Variants in UBE2G1 observed in about 807,000 individuals in gnomAD.
UBE2G1 encodes ubiquitin-conjugating enzyme E2 G1.
Under a neutral mutation model 22.7 loss-of-function variants are expected in UBE2G1, and 5 were observed. The ratio of observed to expected loss-of-function variants is 0.22; its 90% CI spans 0.12 to 0.46. UBE2G1 has a LOEUF of 0.46. Among genes scored for constraint, UBE2G1 ranks in the 20% least tolerant of loss-of-function variants. The pLI is 0.99. For synonymous variants in UBE2G1, 74 were observed against 67.5 expected (o/e 1.10, Z -0.47); for missense variants, 88 against 203.9 (o/e 0.43, Z 3.46).
At chr17:4,310,066 T>A (rs1046304315) in intron 1 of UBE2G1, among the ~76,000 whole-genome samples, 2 of 152,192 alleles carry the variant, frequency 1.3e-5, no homozygotes, top group Non-Finnish European at 2.9e-5. Context: ...CCAGCATGAA[T>A]CTTCCTAGGT....
intron 2 of UBE2G1, among the ~76,000 whole-genome samples, chr17:4,305,831 C>A (rs1245493257): frequency 6.6e-6 from 1 of 152,174 alleles, no homozygotes; most frequent in African/African-American, 2.4e-5. Flanking sequence ...CGTGAGCCAA[C>A]GCACCAAGCC....
chr17:4,319,852 A>G, intron 1 of UBE2G1, among the ~76,000 whole-genome samples: 1 of 152,232 alleles, frequency 6.6e-6, no homozygotes, highest in East Asian at 1.9e-4. Flanking sequence ...CTGCGAAATC[A>G]ATCAAAATAA....
intron 3 of UBE2G1, among the ~76,000 whole-genome samples, chr17:4,294,429 AAAAAAAAAAAAGAAAGAAACG>A (rs1969081769): frequency 9.3e-5 from 2 of 21,550 alleles, no homozygotes; most frequent in African/African-American, 1.1e-4. Flanking sequence ...AAAAAAAAAA[AAAAAAAAAAAAGAAAGAAACG>A]AAAAGAAAAG....
intron 4 of UBE2G1, among the ~76,000 whole-genome samples, chr17:4,287,564 G>C (rs1054878188): frequency 5.9e-5 from 9 of 152,198 alleles, no homozygotes; most frequent in African/African-American, 1.9e-4. Context: ...TGATTAAATA[G>C]ATAGTTTTCT....
chr17:4,357,396 A>C (rs1352596603), intron 1 of UBE2G1, among the ~76,000 whole-genome samples: 1 of 151,130 alleles, frequency 6.6e-6, no homozygotes, highest in African/African-American at 2.4e-5. Context: ...AAGGTTCAGG[A>C]CTATCAGTGG....
At chr17:4,348,539 C>T (rs1473886892) in intron 1 of UBE2G1, among the ~76,000 whole-genome samples, 1 of 131,084 alleles carries the variant, frequency 7.6e-6, no homozygotes, top group East Asian at 2.1e-4. Context: ...GGCGACAGAG[C>T]GAGACTCCGT....
chr17:4,321,587 G>A (rs1345256751), intron 1 of UBE2G1, among the ~76,000 whole-genome samples: 1 of 152,082 alleles, frequency 6.6e-6, no homozygotes, highest in African/African-American at 2.4e-5. Context: ...CCGCCTCCTG[G>A]GCTCAAGCAA....
chr17:4,365,585 AGCGGCTCTCCCC>A (rs1224945236), intron 1 of UBE2G1, among the ~76,000 whole-genome samples: 19 of 151,960 alleles, frequency 1.3e-4, no homozygotes, highest in Non-Finnish European at 2.2e-4. Context: ...CCGGCCAGCG[AGCGGCTCTCCCC>A]GCGGCCCGCT....
chr17:4,330,976 CCACA>C (rs57051928), intron 1 of UBE2G1, among the ~76,000 whole-genome samples: 20 of 143,652 alleles, frequency 1.4e-4, no homozygotes, highest in East Asian at 4.1e-4. Flanking sequence ...ACCTTTAAAA[CCACA>C]CACACACACA....
At chr17:4,299,907 A>G (rs1488876257) in intron 2 of UBE2G1, among the ~76,000 whole-genome samples, 1 of 150,118 alleles carries the variant, frequency 6.7e-6, no homozygotes, top group Non-Finnish European at 1.5e-5. Flanking sequence ...GCTCACTGCA[A>G]GCTCTGCCTC....
intron 4 of UBE2G1, among the ~76,000 whole-genome samples, chr17:4,285,740 A>AGG (rs1968955430): frequency 6.6e-6 from 1 of 152,000 alleles, no homozygotes; most frequent in African/African-American, 2.4e-5. Flanking sequence ...TCACGACATC[A>AGG]AGTAATCAAG....
At chr17:4,290,867 C>A (rs1014710774) in intron 3 of UBE2G1, among the ~76,000 whole-genome samples, 1 of 151,428 alleles carries the variant, frequency 6.6e-6, no homozygotes, top group Admixed American at 6.6e-5. Context: ...ACAGCCCCTG[C>A]GCTGGCCGAC....
chr17:4,328,824 C>T (rs1365310432), intron 1 of UBE2G1, among the ~76,000 whole-genome samples: 3 of 152,162 alleles, frequency 2.0e-5, no homozygotes, highest in Admixed American at 6.5e-5. Context: ...CGGTGGCTCA[C>T]GCCTGTAATC....
At chr17:4,321,695 G>A (rs557135672) in intron 1 of UBE2G1, among the ~76,000 whole-genome samples, 111 of 151,978 alleles carry the variant, frequency 7.3e-4, no homozygotes, top group Admixed American at 1.5e-3. Flanking sequence ...GTCTTCCTAC[G>A]TTGCCCAGAC....
At chr17:4,329,108 A>AG (rs1969536300) in intron 1 of UBE2G1, among the ~76,000 whole-genome samples, 1 of 100,066 alleles carries the variant, frequency 1.0e-5, no homozygotes, top group Non-Finnish European at 2.1e-5. Context: ...CGTCTCAAAA[A>AG]GAAAAAAAAA....
chr17:4,274,784 G>A (rs1304290872), intron 5 of UBE2G1, among the ~76,000 whole-genome samples: 1 of 152,138 alleles, frequency 6.6e-6, no homozygotes, highest in African/African-American at 2.4e-5. Context: ...CAGGCACAGT[G>A]GCTCCTGCCT....
At chr17:4,333,878 T>C (rs1212573111) in intron 1 of UBE2G1, among the ~76,000 whole-genome samples, 1 of 152,146 alleles carries the variant, frequency 6.6e-6, no homozygotes, top group Non-Finnish European at 1.5e-5. Context: ...GTCTCACTCT[T>C]AGTAACCACA....
intron 5 of UBE2G1, among the ~76,000 whole-genome samples, chr17:4,281,724 C>T (rs918270477): frequency 6.6e-6 from 1 of 152,220 alleles, no homozygotes; most frequent in African/African-American, 2.4e-5. Flanking sequence ...ACTGTTGCAG[C>T]TTGCTGAATC....
At chr17:4,359,354 G>T (rs1969941553) in intron 1 of UBE2G1, among the ~76,000 whole-genome samples, 1 of 152,142 alleles carries the variant, frequency 6.6e-6, no homozygotes, top group Non-Finnish European at 1.5e-5. Flanking sequence ...AAAAAGCAAA[G>T]ATACAGCAAT....
Sources: gnomAD v4.1 joint callset for allele counts (sites outside exome capture counted in the v4.1 genomes callset) on GRCh38, gnomAD v4.1.1 for gene constraint, MANE v1.5 for transcripts, NCBI Gene and HGNC (gene_info 2026-07-23, HGNC 2026-07-21) for gene names.